The following ETV5 variants were observed in gnomAD, a reference collection of about 807,000 sequenced individuals.
ETV5 encodes ETS translocation variant 5.
Under a neutral mutation model 70.0 loss-of-function variants are expected in ETV5, and 10 were observed. The observed-to-expected ratio is 0.14, with a 90% CI of 0.09 to 0.24. ETV5 has a LOEUF of 0.24. ETV5 is among the 10% of genes least tolerant of loss of function. The probability of loss-of-function intolerance (pLI) is 1.00; values close to 1 mark genes in which losing one functional copy is unlikely to be tolerated. For missense variants in ETV5, 453 were observed against 651.2 expected, an observed-to-expected ratio of 0.70 and a Z score of 3.31; for synonymous variants, 216 against 242.2, an observed-to-expected ratio of 0.89 and a Z score of 1.01.
rs1001011179 is a variant in ETV5, at chr3:186,105,978, G to A, written c.-74-36C>T. On this transcript the variant is annotated intron_variant, in intron 1 of 12. Coordinates refer to ENST00000306376, the MANE Select transcript of ETV5 (RefSeq NM_004454.3). This position sits in a 1 kb window ranked among gnomAD's most constrained non-coding sequence, Gnocchi z 4.5. ...AATTTGGGAGATTTTAACTAAGAGG[G>A]GGGAAAAAAAGAAATGAAACAATTT... 1.4e-6 allele frequency: 2 copies of A among 1,426,128 alleles called. No individual in the cohort carries two copies. Among genetic ancestry groups the A allele is most frequent in the South Asian group, 2.6e-5 (2 of 78,282 alleles). 88.3% of individuals were successfully genotyped at this position (1,426,128 alleles called of 1,614,324 possible). A position where few individuals can be genotyped will look rare whatever the true frequency, so the allele number is the denominator to read the frequency against.
At chr3:186,062,697 C>T (rs1713335987) in intron 9 of ETV5, among the ~76,000 whole-genome samples, 1 of 152,106 alleles carries the variant, frequency 6.6e-6, no homozygotes, top group African/African-American at 2.4e-5. Context: ...TGAATTTATG[C>T]ATCTAAAGAA....
At chr3:186,106,039 T>C (rs1463784719) in intron 1 of ETV5, 97 bp from the exon 2 acceptor site, 4 of 836,784 alleles carry the variant, frequency 4.8e-6, no homozygotes, top group African/African-American at 1.7e-5. Context: ...TGCAAAATTA[T>C]TACCCTTCTG....
At chr3:186,108,783 G>T in intron 1 of ETV5, 157 bp downstream of exon 1, 2 of 497,912 alleles carry the variant, frequency 4.0e-6, no homozygotes, top group Non-Finnish European at 5.9e-6. Flanking sequence ...GGGCCGCGGG[G>T]GGAGGGGGCG....
intron 5 of ETV5, among the ~76,000 whole-genome samples, chr3:186,100,771 T>C (rs1714433873): frequency 6.6e-6 from 1 of 152,230 alleles, no homozygotes; most frequent in Admixed American, 6.5e-5. Context: ...CTGTATTTGG[T>C]ATGGAGGCCA....
chr3:186,080,048 G>C lies in ETV5; in HGVS notation c.419C>G (p.Pro140Arg), dbSNP rs1713894354. The C allele has an allele frequency of 2.6e-6, 4 of 1,532,908 alleles. No homozygotes were observed. Among genetic ancestry groups the C allele is most frequent in the Non-Finnish European group, 3.5e-6 (4 of 1,149,496 alleles). The allele number at this position is 1,532,908 out of a possible 1,614,324, so 95.0% of individuals were successfully genotyped here. ...GGGATTCTGATGGGTGGGTGAGAGG[G>C]GGGTTGTAGGAGGGGTTAATGGCTT... ...GFKPLTPPTT[P>R]LSPTHQNPLF... is the part of the protein sequence containing the mutation. The change falls in exon 7 of 13, where the codon CCC (proline) becomes CGC (arginine). Residue 140 changes from proline to arginine, a missense_variant. By Grantham distance (103) the Pro-to-Arg change is moderately radical (BLOSUM62 -2). This residue lies in a region of ETV5 where 307 missense variants were observed against 344.9 expected (regional missense o/e 0.89). Coordinates refer to ENST00000306376, the MANE Select transcript of ETV5 (RefSeq NM_004454.3).
At chr3:186,071,917 C>T (rs1006262233) in intron 7 of ETV5, among the ~76,000 whole-genome samples, 1 of 151,866 alleles carries the variant, frequency 6.6e-6, no homozygotes, top group Admixed American at 6.5e-5. Flanking sequence ...ACTGACTCAG[C>T]CTCCCAAGTA....
chr3:186,053,838 A>G (rs1233481622), intron 11 of ETV5, among the ~76,000 whole-genome samples: 5 of 152,254 alleles, frequency 3.3e-5, no homozygotes, highest in Admixed American at 1.3e-4. Flanking sequence ...TGCTAACCTA[A>G]TAATATACAT....
At chr3:186,090,022 A>C (rs1253986089) in intron 5 of ETV5, among the ~76,000 whole-genome samples, 1 of 152,244 alleles carries the variant, frequency 6.6e-6, no homozygotes, top group East Asian at 1.9e-4. Context: ...ATATATACAC[A>C]GAGATGAAGC....
At chr3:186,108,574 G>T in intron 1 of ETV5, 6 of 1,258,810 alleles carry the variant, frequency 4.8e-6, no homozygotes, top group Non-Finnish European at 6.2e-6. Context: ...CTCTTCTCGC[G>T]AGCCTCCAAG....
At position 186,079,806 on chromosome 3, in the gene ETV5, T is replaced by G. The variant is rs759556318; in HGVS notation, c.650+11A>C. ...GAGACAATTAAGGAAGAAGCCCAGA[T>G]CAACACCCACCTCTGTTCTGATGGA... On this transcript the variant is annotated intron_variant, in intron 7 of 12. Transcript: ENST00000306376. 1 of 1,594,788 alleles carries G rather than the reference T, an allele frequency of 6.3e-7. No individual in the cohort carries two copies. The highest frequency in any genetic ancestry group is 1.4e-5 in the African/African-American group (1 of 73,712).
At chr3:186,069,508 T>G (rs1560048692) in intron 7 of ETV5, among the ~76,000 whole-genome samples, 1 of 150,484 alleles carries the variant, frequency 6.6e-6, no homozygotes, top group African/African-American at 2.4e-5. Context: ...GTTGTTTTTT[T>G]TTTTTTTTTT....
chr3:186,069,519 TTAAAAAAAGTC>T (rs1316091775), intron 7 of ETV5, among the ~76,000 whole-genome samples: 12 of 129,432 alleles, frequency 9.3e-5, no homozygotes, highest in Admixed American at 7.5e-4. Context: ...TTTTTTTTTT[TTAAAAAAAGTC>T]TAAAAAAAGA....
chr3:186,094,233 G>A (rs1714251769), intron 5 of ETV5, among the ~76,000 whole-genome samples: 1 of 152,212 alleles, frequency 6.6e-6, no homozygotes, highest in African/African-American at 2.4e-5. Context: ...ACGGATGGGA[G>A]GAGAGCCTTC....
At chr3:186,073,385 G>A (rs183056665) in intron 7 of ETV5, among the ~76,000 whole-genome samples, 18 of 152,242 alleles carry the variant, frequency 1.2e-4, no homozygotes, top group Admixed American at 5.9e-4. Flanking sequence ...TCTACCCAAC[G>A]CTTCTGTGTG....
Position 186,105,431 on chromosome 3 carries a change from G to A in ETV5, c.181+18C>T. Reference sequence around the variant, plus strand: ...GTAAAATGTTTTATATGGAAAATAGGACATCCATGAAACTTGCCTTCAGCT... The same window carrying A: ...GTAAAATGTTTTATATGGAAAATAGAACATCCATGAAACTTGCCTTCAGCT... On this transcript the variant is annotated intron_variant, in intron 4 of 12. Coordinates refer to ENST00000306376, the MANE Select transcript of ETV5 (RefSeq NM_004454.3). This position sits in a 1 kb window ranked among gnomAD's most constrained non-coding sequence, Gnocchi z 4.5. 6.2e-7 allele frequency: 1 copy of A among 1,613,464 alleles called. No homozygotes were observed. The highest frequency in any genetic ancestry group is 1.1e-5 in the South Asian group (1 of 91,012).
chr3:186,076,488 T>G (rs1713792741), intron 7 of ETV5: 1 of 183,520 alleles, frequency 5.4e-6, no homozygotes, highest in African/African-American at 2.3e-5. Flanking sequence ...ACCTGATAGA[T>G]CGGCATAGTG....
At chr3:186,101,762 C>G (rs186269848) in intron 5 of ETV5, among the ~76,000 whole-genome samples, 238 of 152,316 alleles carry the variant, frequency 1.6e-3, no homozygotes, top group African/African-American at 5.6e-3. Context: ...CATCTGCCCC[C>G]ACTACTGGTC....
intron 7 of ETV5, among the ~76,000 whole-genome samples, chr3:186,071,789 G>C (rs749948443): frequency 6.6e-6 from 1 of 151,208 alleles, no homozygotes; most frequent in Non-Finnish European, 1.5e-5. Context: ...TGACCAACAC[G>C]GTGAAACCTG....
At chr3:186,094,285 CA>C (rs1377022544) in intron 5 of ETV5, among the ~76,000 whole-genome samples, 1 of 152,200 alleles carries the variant, frequency 6.6e-6, no homozygotes, top group Non-Finnish European at 1.5e-5. Context: ...TGTCCTGATT[CA>C]TAGATGGTGA....
Sources: gnomAD v4.1 joint callset for allele counts (sites outside exome capture counted in the v4.1 genomes callset) on GRCh38, gnomAD v4.1.1 for gene constraint, gnomAD v4.1.1 regional missense constraint, Gnocchi (gnomAD v3.1) non-coding constraint, MANE v1.5 for transcripts, NCBI Gene and HGNC (gene_info 2026-07-23, HGNC 2026-07-21) for gene names.